The following FAM3D variants were observed in gnomAD, a reference collection of about 807,000 sequenced individuals.
The protein encoded by FAM3D is FAM3 metabolism regulating signaling molecule D, also known as protein FAM3D.
A neutral mutation model predicts 29.8 loss-of-function variants in FAM3D; 26 were observed. The observed-to-expected ratio is 0.87, with a 90% CI of 0.64 to 1.21. The LOEUF (loss-of-function observed/expected upper bound fraction) is 1.21, where lower values mean the gene tolerates loss of function less well. Ranked by LOEUF, FAM3D falls within the 50% of genes most tolerant of loss-of-function variation. The pLI is 0.00. For synonymous variants in FAM3D, 115 were observed against 102.3 expected (o/e 1.12, Z -0.75); for missense variants, 253 against 290.9 (o/e 0.87, Z 0.95).
At chr3:58,638,068 G>C (rs2066225959) in intron 7 of FAM3D, among the ~76,000 whole-genome samples, 1 of 152,082 alleles carries the variant, frequency 6.6e-6, no homozygotes, top group African/African-American at 2.4e-5. Context: ...GTTTTTAGTA[G>C]AATTGGAGTT....
chr3:58,636,217 G>A, intron 9 of FAM3D, 77 bp downstream of exon 9: 1 of 1,555,114 alleles, frequency 6.4e-7, no homozygotes, highest in East Asian at 2.3e-5. Flanking sequence ...CCTGGGAGGT[G>A]AATGGGTGAC....
At chr3:58,664,213 A>T (rs983401388) in intron 1 of FAM3D, among the ~76,000 whole-genome samples, 1 of 152,182 alleles carries the variant, frequency 6.6e-6, no homozygotes, top group Non-Finnish European at 1.5e-5. Flanking sequence ...AAACCAGCTA[A>T]TCCATGTACA....
rs184808154 is a variant in FAM3D at position 58,635,391 on chromosome 3, G to A, written c.585+903C>T. On this transcript the variant is annotated intron_variant, in intron 9 of 9. Transcript: ENST00000358781. This position sits in a 1 kb window ranked among gnomAD's most constrained non-coding sequence, Gnocchi z 5.2. ...CAAGTGTGAGGACTAAGAACAGACCGGCTTAGTCCCATTAGGGTGCTTGGT... is the reference window on the plus strand; with the variant it reads ...CAAGTGTGAGGACTAAGAACAGACCAGCTTAGTCCCATTAGGGTGCTTGGT... Among the ~76,000 whole-genome samples the A allele has an allele frequency of 1.8e-4, 27 of 152,304 alleles. No individual in the cohort carries two copies. Among genetic ancestry groups the A allele is most frequent in the South Asian group, 1.2e-3 (6 of 4,822 alleles).
At chr3:58,638,033 C>T (rs928808190) in intron 7 of FAM3D, among the ~76,000 whole-genome samples, 2 of 152,168 alleles carry the variant, frequency 1.3e-5, no homozygotes, top group East Asian at 1.9e-4. Flanking sequence ...TACAGGCATG[C>T]GCCGCCATGC....
At chr3:58,659,472 C>A (rs941890092) in intron 1 of FAM3D, among the ~76,000 whole-genome samples, 1 of 152,228 alleles carries the variant, frequency 6.6e-6, no homozygotes, top group South Asian at 2.1e-4. Context: ...TCTCTCCAGG[C>A]TGAGAAGGTG....
chr3:58,644,105 C>T (rs1374928717), intron 5 of FAM3D, among the ~76,000 whole-genome samples: 16 of 152,268 alleles, frequency 1.1e-4, no homozygotes, highest in Middle Eastern at 6.8e-3. Flanking sequence ...CCTGCTGGCC[C>T]GGCATCCACA....
chr3:58,661,090 A>C (rs563415704), intron 1 of FAM3D, among the ~76,000 whole-genome samples: 1 of 152,336 alleles, frequency 6.6e-6, no homozygotes, highest in Non-Finnish European at 1.5e-5. Context: ...GCAGCCACAG[A>C]CAATATATAA....
intron 1 of FAM3D, among the ~76,000 whole-genome samples, chr3:58,660,482 G>A (rs11921205): frequency 0.83 from 127,052 of 152,240 alleles, 53,349 homozygotes; most frequent in East Asian, 1. Flanking sequence ...TGATCATGTC[G>A]CCAATACAGA....
At chr3:58,639,072 G>A (rs536451240) in intron 7 of FAM3D, among the ~76,000 whole-genome samples, 161 of 152,308 alleles carry the variant, frequency 1.1e-3, no homozygotes, top group African/African-American at 3.7e-3. Context: ...CCCATCAGCC[G>A]TGGCTACATT....
At chr3:58,643,510 C>A in intron 6 of FAM3D, 152 bp downstream of exon 6, 1 of 836,752 alleles carries the variant, frequency 1.2e-6, no homozygotes, top group East Asian at 2.5e-5. Context: ...CCTTCTGTTC[C>A]CCCAGGCCAG....
chr3:58,658,973 G>T (rs1191708302), intron 1 of FAM3D, among the ~76,000 whole-genome samples: 7 of 152,202 alleles, frequency 4.6e-5, no homozygotes, highest in African/African-American at 1.7e-4. Context: ...AAAAGCATCA[G>T]GCAGCGAAAA....
At chr3:58,655,448 G>A (rs1454352966) in intron 2 of FAM3D, 103 bp downstream of exon 2, 15 of 1,461,340 alleles carry the variant, frequency 1.0e-5, no homozygotes, top group Admixed American at 3.8e-5. Context: ...CCTGGAATTC[G>A]GGCCTGACCA....
At chr3:58,661,312 G>A (rs1423324070) in intron 1 of FAM3D, among the ~76,000 whole-genome samples, 1 of 152,096 alleles carries the variant, frequency 6.6e-6, no homozygotes, top group Non-Finnish European at 1.5e-5. Flanking sequence ...GCCTCCCATG[G>A]GATAAGAGTG....
Position 58,634,250 on chromosome 3 carries a change from C to A in FAM3D, c.*29G>T, listed in dbSNP as rs755591292. The A allele has an allele frequency of 1.9e-6, 3 of 1,606,182 alleles. No individual in the cohort carries two copies. Among genetic ancestry groups the A allele is most frequent in the East Asian group, 4.5e-5 (2 of 44,828 alleles). On this transcript the variant is annotated 3_prime_UTR_variant, in exon 10 of 10. Transcript: ENST00000358781. This position sits in a 1 kb window ranked among gnomAD's most constrained non-coding sequence, Gnocchi z 4.6. ...TAAGTCAGGCAGGAGCTTCTTCAGG[C>A]CCCTGGCTGAGGAAGAGCCACAGCC...
At chr3:58,641,611 G>A (rs923084264) in intron 6 of FAM3D, among the ~76,000 whole-genome samples, 1 of 152,048 alleles carries the variant, frequency 6.6e-6, no homozygotes, top group African/African-American at 2.4e-5. Context: ...CAAGAGATCT[G>A]CCCACCTCAG....
intron 4 of FAM3D, among the ~76,000 whole-genome samples, chr3:58,648,368 T>C (rs911660976): frequency 1.3e-5 from 2 of 152,102 alleles, no homozygotes; most frequent in South Asian, 2.1e-4. Context: ...GTCACCACCA[T>C]GTTGAGAAGG....
rs1178129939 is a variant in FAM3D, at chr3:58,635,507, C to T, written c.585+787G>A. Among the ~76,000 whole-genome samples the T allele has an allele frequency of 3.3e-5, 5 of 152,290 alleles. No individual in the cohort carries two copies. Among genetic ancestry groups the T allele is most frequent in the East Asian group, 3.9e-4 (2 of 5,162 alleles). ...TACTCCCACGCCTCCTCTGTCTTGCCGGTTCCCCTGGGTCTGGAGCCCACG... is the reference window on the plus strand; with the variant it reads ...TACTCCCACGCCTCCTCTGTCTTGCTGGTTCCCCTGGGTCTGGAGCCCACG... On this transcript the variant is annotated intron_variant, in intron 9 of 9. Coordinates refer to ENST00000358781, the MANE Select transcript of FAM3D (RefSeq NM_138805.3). This position sits in a 1 kb window ranked among gnomAD's most constrained non-coding sequence, Gnocchi z 5.2.
chr3:58,643,182 C>T lies in FAM3D; in HGVS notation c.322+480G>A, dbSNP rs200918278. ...ACATTGAGATTGTTTGTGAGCCTCA[C>T]GGATACCTACGGAGGCTGTGAAGCC... On this transcript the variant is annotated intron_variant, in intron 6 of 9. Transcript: ENST00000358781. 1.3e-4 allele frequency among the ~76,000 whole-genome samples: 20 copies of T among 152,314 alleles called. No individual in the cohort carries two copies. In the East Asian group the frequency reaches 3.9e-3, roughly 29 times the overall value.
intron 4 of FAM3D, 29 bp from the exon 5 acceptor site, chr3:58,645,655 G>T: frequency 6.3e-7 from 1 of 1,593,068 alleles, no homozygotes; most frequent in Non-Finnish European, 8.6e-7. Context: ...AGCCTTGGTG[G>T]GCAGAAGCTC....
Sources: allele counts gnomAD v4.1 joint callset (sites outside exome capture counted in the v4.1 genomes callset), GRCh38; gene constraint gnomAD v4.1.1; non-coding constraint Gnocchi (gnomAD v3.1); transcripts MANE v1.5; gene names NCBI Gene and HGNC (gene_info 2026-07-23, HGNC 2026-07-21).